Variants in FAM53B observed in about 807,000 individuals in gnomAD.
FAM53B encodes family with sequence similarity 53 member B, also known as protein FAM53B.
A neutral mutation model predicts 32.7 loss-of-function variants in FAM53B; 12 were observed. The observed-to-expected ratio is 0.37, with a 90% CI of 0.24 to 0.59. The LOEUF (loss-of-function observed/expected upper bound fraction) is 0.59. Among genes scored for constraint, FAM53B ranks in the 20% least tolerant of loss-of-function variants. The pLI, the probability that FAM53B is intolerant of heterozygous loss-of-function variation, is 0.72. For missense variants in FAM53B, 477 were observed against 577.7 expected (o/e 0.83, Z 1.79); for synonymous variants, 234 against 228.7 (o/e 1.02, Z -0.21).
At position 124,718,731 on chromosome 10, in the gene FAM53B, G is replaced by A. The variant is rs1021466554; in HGVS notation, c.-174-11844C>T. ...TAGCACCAGATTCTTGCCTCTTAAG[G>A]CAGAGAAAGAGATTTCTGCAAAGAA... On this transcript the variant is annotated intron_variant, in intron 1 of 4. Transcript: ENST00000337318. 3.9e-5 allele frequency among the ~76,000 whole-genome samples: 6 copies of A among 152,236 alleles called. No homozygotes were observed. In the East Asian group the frequency reaches 1.2e-3, roughly 29 times the overall value.
chr10:124,700,373 CAGGCCGAGGGAA>C lies in FAM53B; in HGVS notation c.79-4173_79-4162del, dbSNP rs752367786. 9.9e-3 allele frequency among the ~76,000 whole-genome samples: 1,512 copies of C among 152,272 alleles called. 11 individuals carry two copies. Among genetic ancestry groups the C allele is most frequent in the Non-Finnish European group, 0.016 (1,059 of 68,014 alleles). ...GCCAATCACGGTGTGGAGGCCCCAC[CAGGCCGAGGGAA>C]CCCCTCGGCCCTCTGAGGTTTCACA... On this transcript the variant is annotated intron_variant, in intron 2 of 4. Transcript: ENST00000337318.
intron 4 of FAM53B, among the ~76,000 whole-genome samples, chr10:124,631,556 G>A (rs1949391151): frequency 1.3e-5 from 2 of 152,160 alleles, no homozygotes; most frequent in Admixed American, 1.3e-4. Flanking sequence ...GGCCTGGGGA[G>A]TTGTCAAGTT....
In FAM53B at chr10:124,662,335, T is replaced by C. The variant is rs961238169; in HGVS notation, c.906+19272A>G. 1.9e-4 allele frequency among the ~76,000 whole-genome samples: 29 copies of C among 152,224 alleles called. 1 individual carries two copies. Among genetic ancestry groups the C allele is most frequent in the Admixed American group, 1.9e-3 (29 of 15,290 alleles). On this transcript the variant is annotated intron_variant, in intron 4 of 4. Transcript: ENST00000337318. ...AGTAAACAATGCTGTCATCCTTGCT[T>C]ACTAAGTATCATCAATGGAGGAGCT...
Position 124,619,593 on chromosome 10 carries a change from G to C in FAM53B, c.*3649C>G, listed in dbSNP as rs1949291041. 6.6e-6 allele frequency: 1 copy of C among 152,176 alleles called. No homozygotes were observed. Among genetic ancestry groups the C allele is most frequent in the Non-Finnish European group, 1.5e-5 (1 of 68,012 alleles). 9.4% of individuals were successfully genotyped at this position (152,176 alleles called of 1,614,324 possible). On this transcript the variant is annotated 3_prime_UTR_variant, in exon 5 of 5. Transcript: ENST00000337318. Reference sequence around the variant, plus strand: ...GAAAACACAAATCATTTGCCAAAAAGACTATGCTAGAAGGTCAGACTATCC... The same window carrying C: ...GAAAACACAAATCATTTGCCAAAAACACTATGCTAGAAGGTCAGACTATCC...
chr10:124,632,881 CT>C (rs1284947248), intron 4 of FAM53B, among the ~76,000 whole-genome samples: 1 of 152,216 alleles, frequency 6.6e-6, no homozygotes, highest in Admixed American at 6.5e-5. Flanking sequence ...GTAGTATGGG[CT>C]GGACAGGCCT....
intron 3 of FAM53B, among the ~76,000 whole-genome samples, chr10:124,690,661 A>C (rs1949827716): frequency 1.3e-5 from 2 of 152,352 alleles, no homozygotes; most frequent in Non-Finnish European, 2.9e-5. Context: ...ATTCCTGAAA[A>C]ACTGCCTGAA....
At chr10:124,688,725 G>A (rs1949816481) in intron 3 of FAM53B, among the ~76,000 whole-genome samples, 1 of 152,212 alleles carries the variant, frequency 6.6e-6, no homozygotes, top group Non-Finnish European at 1.5e-5. Context: ...AGACTGCTGT[G>A]TGCACAGATC....
rs1048647227 is a variant in FAM53B at position 124,737,967 on chromosome 10, A to T, written c.-175+6046T>A. Among the ~76,000 whole-genome samples the T allele has an allele frequency of 2.0e-5, 3 of 152,228 alleles. No individual in the cohort carries two copies. The East Asian group carries it at 5.8e-4, about 29-fold the overall frequency. On this transcript the variant is annotated intron_variant, in intron 1 of 4. Transcript: ENST00000337318. ...AGCCTGAGTAAAATCTGCCCCCTTC[A>T]ATCTGGAAAGAAGGTGGTTCAAAGG...
At chr10:124,708,411 G>A (rs1949975995) in intron 1 of FAM53B, among the ~76,000 whole-genome samples, 3 of 152,212 alleles carry the variant, frequency 2.0e-5, no homozygotes, top group African/African-American at 7.2e-5. Flanking sequence ...GGGGAGGAGG[G>A]AAATCAATAC....
chr10:124,729,152 G>A (rs536943420), intron 1 of FAM53B, among the ~76,000 whole-genome samples: 14 of 152,358 alleles, frequency 9.2e-5, no homozygotes, highest in African/African-American at 2.6e-4. Flanking sequence ...ATTTGTGCCC[G>A]GGTTCTTTTG....
intron 2 of FAM53B, among the ~76,000 whole-genome samples, chr10:124,699,545 TCTC>T (rs1206096719): frequency 1.6e-4 from 24 of 152,188 alleles, no homozygotes; most frequent in African/African-American, 5.3e-4. Flanking sequence ...AAGAACGACT[TCTC>T]CATTTCCCCA....
chr10:124,680,794 C>G (rs753269802), intron 4 of FAM53B, among the ~76,000 whole-genome samples: 1 of 152,164 alleles, frequency 6.6e-6, no homozygotes, highest in Non-Finnish European at 1.5e-5. Context: ...AACACAGAAC[C>G]AACAGTGTTG....
chr10:124,704,916 TGAG>T (rs1462125265), intron 2 of FAM53B, among the ~76,000 whole-genome samples: 1 of 151,988 alleles, frequency 6.6e-6, no homozygotes, highest in Non-Finnish European at 1.5e-5. Flanking sequence ...GCGGGGCTGG[TGAG>T]AAGTAATCAC....
intron 4 of FAM53B, among the ~76,000 whole-genome samples, chr10:124,656,320 GA>G (rs1478784723): frequency 6.6e-6 from 1 of 152,256 alleles, no homozygotes; most frequent in Non-Finnish European, 1.5e-5. Context: ...GAATGATCAA[GA>G]GAGCCAAAGG....
At chr10:124,739,043 C>CAAAAAA (rs374990179) in intron 1 of FAM53B, among the ~76,000 whole-genome samples, 1 of 107,712 alleles carries the variant, frequency 9.3e-6, no homozygotes, top group Non-Finnish European at 2.0e-5. Context: ...CTCCAAAAAA[C>CAAAAAA]AAAAAAAAAA....
intron 1 of FAM53B, among the ~76,000 whole-genome samples, chr10:124,737,083 G>A (rs1035386664): frequency 2.0e-5 from 3 of 152,246 alleles, no homozygotes; most frequent in African/African-American, 7.2e-5. Context: ...TGAGCCACAG[G>A]TTGTGCTGAG....
intron 4 of FAM53B, among the ~76,000 whole-genome samples, chr10:124,666,169 T>C (rs7083126): frequency 0.94 from 142,657 of 152,294 alleles, 67,482 homozygotes; most frequent in Non-Finnish European, 1. Flanking sequence ...ATAAGCTAGA[T>C]GCCCTGACAT....
chr10:124,655,548 T>G (rs1949584376), intron 4 of FAM53B, among the ~76,000 whole-genome samples: 1 of 152,120 alleles, frequency 6.6e-6, no homozygotes, highest in South Asian at 2.1e-4. Context: ...AGACAGCCTC[T>G]CCTTGGGGTG....
intron 3 of FAM53B, among the ~76,000 whole-genome samples, chr10:124,689,326 T>C (rs1249951823): frequency 6.6e-6 from 1 of 152,114 alleles, no homozygotes; most frequent in African/African-American, 2.4e-5. Flanking sequence ...GTCTCATCTG[T>C]TTTTAAATGG....
Sources: allele counts gnomAD v4.1 joint callset (sites outside exome capture counted in the v4.1 genomes callset), GRCh38; gene constraint gnomAD v4.1.1; transcripts MANE v1.5; gene names NCBI Gene and HGNC (gene_info 2026-07-23, HGNC 2026-07-21).